SCFD2: variants seen among roughly 807,000 people sequenced by gnomAD.
SCFD2 encodes sec1 family domain-containing protein 2.
In SCFD2, 54 loss-of-function variants were observed where a neutral mutation model predicts 58.9. That is an observed-to-expected ratio of 0.92 (90% CI 0.74 to 1.15). The LOEUF is 1.15. SCFD2 is among the 50% of genes most tolerant of loss of function. The pLI is 0.00. For missense variants in SCFD2, 805 were observed against 836.6 expected (o/e 0.96, Z 0.47); for synonymous variants, 321 against 335.9 (o/e 0.96, Z 0.49).
At chr4:53,138,861 TC>T (rs1726020638) in intron 5 of SCFD2, among the ~76,000 whole-genome samples, 1 of 92,820 alleles carries the variant, frequency 1.1e-5, no homozygotes, top group African/African-American at 4.1e-5. Flanking sequence ...CCTCTCCCCC[TC>T]CCCCTCCCCC....
chr4:53,236,451 G>GAGATATATAT (rs374598811), intron 4 of SCFD2, among the ~76,000 whole-genome samples: 7 of 144,636 alleles, frequency 4.8e-5, no homozygotes, highest in East Asian at 4.0e-4. Context: ...CATATATAAG[G>GAGATATATAT]ATATATATAT....
intron 4 of SCFD2, among the ~76,000 whole-genome samples, chr4:53,271,430 C>A (rs1450724850): frequency 9.1e-6 from 1 of 110,226 alleles, no homozygotes; most frequent in Non-Finnish European, 2.0e-5. Context: ...GATCTACATA[C>A]ATCACTTTAT....
chr4:53,141,646 A>G (rs377286956), intron 5 of SCFD2, among the ~76,000 whole-genome samples: 1 of 2,242 alleles, frequency 4.5e-4, no homozygotes, highest in East Asian at 3.3e-3. Context: ...GTCAAATTTG[A>G]AAAAAAAAAA....
intron 4 of SCFD2, among the ~76,000 whole-genome samples, chr4:53,206,274 T>C (rs1374466910): frequency 6.6e-6 from 1 of 152,130 alleles, no homozygotes; most frequent in Non-Finnish European, 1.5e-5. Context: ...GTTGCCTCCT[T>C]GTCTCCCAAT....
chr4:53,273,983 T>G lies in SCFD2; in HGVS notation c.1154A>C (p.Gln385Pro), dbSNP rs1445250580. 6.2e-7 allele frequency: 1 copy of G among 1,610,250 alleles called. No homozygotes were observed. Among genetic ancestry groups the G allele is most frequent in the Admixed American group, 1.7e-5 (1 of 59,588 alleles). ...GAAGAGCTGAATATAGGACATGAGC[T>G]GTCCCGGTGTGACTCTCCCTGGAAA... ...KMSMGRVTPG[Q>P]LMSYIQLFKN... Residue 385 changes from glutamine (Q) to proline (P), a missense_variant, in exon 4 of 9, where the codon CAG becomes CCG. This residue lies in a region of SCFD2 where 633 missense variants were observed against 646.8 expected (regional missense o/e 0.98). Coordinates refer to ENST00000401642, the MANE Select transcript of SCFD2 (RefSeq NM_152540.4).
At chr4:52,944,648 C>A (rs1461211542) in intron 5 of SCFD2, among the ~76,000 whole-genome samples, 3 of 152,198 alleles carry the variant, frequency 2.0e-5, no homozygotes, top group Admixed American at 1.3e-4. Flanking sequence ...ACTGCCTGGT[C>A]TCTCTTTTCA....
At chr4:52,929,691 T>A (rs1285271328) in intron 5 of SCFD2, among the ~76,000 whole-genome samples, 3 of 152,148 alleles carry the variant, frequency 2.0e-5, no homozygotes, top group African/African-American at 7.2e-5. Context: ...AAAGCGGGAA[T>A]CCTGTTAGGG....
chr4:53,362,294 T>C (rs527377690), intron 1 of SCFD2, among the ~76,000 whole-genome samples: 5 of 152,192 alleles, frequency 3.3e-5, no homozygotes, highest in African/African-American at 9.6e-5. Flanking sequence ...AATGGCAAGG[T>C]AGCCAATGTT....
chr4:53,018,428 A>G (rs1722264667), intron 5 of SCFD2, among the ~76,000 whole-genome samples: 1 of 152,236 alleles, frequency 6.6e-6, no homozygotes, highest in Non-Finnish European at 1.5e-5. Context: ...AATAAGGCAA[A>G]AATGCAATGT....
intron 5 of SCFD2, among the ~76,000 whole-genome samples, chr4:52,995,595 T>A (rs1465006540): frequency 6.6e-6 from 1 of 152,228 alleles, no homozygotes; most frequent in East Asian, 1.9e-4. Flanking sequence ...TTATGGATAA[T>A]CCAAAAGCTT....
At chr4:53,320,560 T>C (rs1316939032) in intron 2 of SCFD2, among the ~76,000 whole-genome samples, 1 of 152,132 alleles carries the variant, frequency 6.6e-6, no homozygotes, top group Non-Finnish European at 1.5e-5. Context: ...GAAGTTGCAG[T>C]GAGTTGAGAT....
intron 4 of SCFD2, among the ~76,000 whole-genome samples, chr4:53,249,081 A>G (rs1730242693): frequency 6.6e-6 from 1 of 152,196 alleles, no homozygotes. Flanking sequence ...ATTGTATTAA[A>G]TAGAATAACC....
chr4:53,105,383 G>T (rs1724962765), intron 5 of SCFD2, among the ~76,000 whole-genome samples: 1 of 151,632 alleles, frequency 6.6e-6, no homozygotes, highest in South Asian at 2.1e-4. Context: ...GAGCCAAGTG[G>T]TCTAGCTCAG....
intron 5 of SCFD2, among the ~76,000 whole-genome samples, chr4:52,967,695 GCTGATTCCTTTTGGAAT>G (rs2067551188): frequency 6.6e-6 from 1 of 152,180 alleles, no homozygotes; most frequent in South Asian, 2.1e-4. Flanking sequence ...TACAGCTGGT[GCTGATTCCTTTTGGAAT>G]CTCTCCCCAT....
At chr4:52,885,639 G>T in intron 8 of SCFD2, 108 bp downstream of exon 8, 1 of 1,314,254 alleles carries the variant, frequency 7.6e-7, no homozygotes, top group Non-Finnish European at 1.1e-6. Flanking sequence ...GAGGGTGATG[G>T]GCAGGCAGGC....
At chr4:53,120,042 C>T (rs1263106430) in intron 5 of SCFD2, among the ~76,000 whole-genome samples, 1 of 152,188 alleles carries the variant, frequency 6.6e-6, no homozygotes, top group Non-Finnish European at 1.5e-5. Flanking sequence ...CCAAATCCAA[C>T]TCAATCACAC....
At chr4:53,082,975 CTCTTTCTCTCTT>C (rs1044387823) in intron 5 of SCFD2, among the ~76,000 whole-genome samples, 41 of 1,478 alleles carry the variant, frequency 0.028, no homozygotes, top group Admixed American at 0.05. Context: ...ATATCTGTCT[CTCTTTCTCTCTT>C]TCTCTCTTTC....
At chr4:52,958,764 A>G (rs1289398181) in intron 5 of SCFD2, among the ~76,000 whole-genome samples, 1 of 152,284 alleles carries the variant, frequency 6.6e-6, no homozygotes, top group South Asian at 2.1e-4. Flanking sequence ...TTCCCCAGAG[A>G]TGCCTTGCCA....
chr4:52,935,394 A>G (rs1419253931), intron 5 of SCFD2, among the ~76,000 whole-genome samples: 1 of 152,230 alleles, frequency 6.6e-6, no homozygotes, highest in Non-Finnish European at 1.5e-5. Flanking sequence ...TTGAAAGCTA[A>G]TCTACCATGT....
Sources: allele counts gnomAD v4.1 joint callset (sites outside exome capture counted in the v4.1 genomes callset), GRCh38; gene constraint gnomAD v4.1.1; regional missense constraint gnomAD v4.1.1; transcripts MANE v1.5; gene names NCBI Gene and HGNC (gene_info 2026-07-23, HGNC 2026-07-21).